Variants in HSDL1 observed in about 807,000 individuals in gnomAD.
HSDL1 encodes the protein hydroxysteroid dehydrogenase like 1.
Under a neutral mutation model 31.5 loss-of-function variants are expected in HSDL1, and 29 were observed. The ratio of observed to expected loss-of-function variants is 0.92; its 90% CI spans 0.69 to 1.26. The LOEUF (loss-of-function observed/expected upper bound fraction) is 1.26. Ranked by LOEUF, HSDL1 falls within the 50% of genes most tolerant of loss-of-function variation. HSDL1 has a pLI of 0.00. For missense variants in HSDL1, 503 were observed against 416.6 expected (o/e 1.21, Z -1.81); for synonymous variants, 222 against 155.2 (o/e 1.43, Z -3.20).
chr16:84,129,934 A>C, intron 4 of HSDL1, 52 bp downstream of exon 4: 1 of 1,555,116 alleles, frequency 6.4e-7, no homozygotes, highest in South Asian at 1.2e-5. Flanking sequence ...AACAACTGTT[A>C]ATAAATGTTC....
At chr16:84,126,627 G>C (rs1284846490) in intron 5 of HSDL1, among the ~76,000 whole-genome samples, 2 of 152,212 alleles carry the variant, frequency 1.3e-5, no homozygotes, top group Admixed American at 6.5e-5. Context: ...CCCTTGGCAA[G>C]TACTGACATT....
chr16:84,143,801 A>G (rs969873531), intron 1 of HSDL1, among the ~76,000 whole-genome samples: 1 of 150,838 alleles, frequency 6.6e-6, no homozygotes, highest in African/African-American at 2.4e-5. Flanking sequence ...GTTCAAGGCT[A>G]CCCTGACCAA....
chr16:84,125,423 T>A (rs565823542), intron 5 of HSDL1, among the ~76,000 whole-genome samples: 47 of 142,176 alleles, frequency 3.3e-4, no homozygotes. Context: ...TACCCACCAA[T>A]CAATCACAAT....
At chr16:84,141,327 C>T (rs2086767657) in intron 1 of HSDL1, among the ~76,000 whole-genome samples, 1 of 152,040 alleles carries the variant, frequency 6.6e-6, no homozygotes, top group African/African-American at 2.4e-5. Context: ...CACCACGATT[C>T]ACAGGTCCCC....
intron 5 of HSDL1, among the ~76,000 whole-genome samples, chr16:84,128,673 T>C (rs2086632179): frequency 6.6e-6 from 1 of 152,206 alleles, no homozygotes. Flanking sequence ...ATACTTAGTA[T>C]TTTTATAGTC....
rs1329503727 is a variant in HSDL1 at position 84,130,145 on chromosome 16, C to T, written c.507G>A (p.Lys169=). ...TGTTCACATTTATGATGTCCCAGAG[C>T]TTGTCCTCGGACAGCTGAGTGAAAT... The part of the protein sequence containing the change: ...PQYFTQLSED[K]LWDIINVNIA... Residue 169 remains lysine, a synonymous_variant, in exon 4 of 6, where the codon AAG becomes AAA. Coordinates refer to ENST00000219439, the MANE Select transcript of HSDL1 (RefSeq NM_031463.5). The T allele has an allele frequency of 6.2e-7, 1 of 1,614,104 alleles. No homozygotes were observed. The highest frequency in any genetic ancestry group is 1.3e-5 in the African/African-American group (1 of 74,934).
At chr16:84,127,200 CTG>C (rs1345670044) in intron 5 of HSDL1, among the ~76,000 whole-genome samples, 1 of 135,642 alleles carries the variant, frequency 7.4e-6, no homozygotes, top group African/African-American at 2.8e-5. Context: ...TTAAATAAAA[CTG>C]TTTCTTCTTT....
chr16:84,122,218 A>G lies in HSDL1; in HGVS notation c.*2412T>C, dbSNP rs1488076610. On this transcript the variant is annotated 3_prime_UTR_variant, in exon 6 of 6. Coordinates refer to ENST00000219439, the MANE Select transcript of HSDL1 (RefSeq NM_031463.5). ...TTAATTTCTTGCAATCACTCCTAAG[A>G]AAAAAAAATTCTCTCATTCCAAATT... The G allele has an allele frequency of 6.6e-6, 1 of 151,344 alleles. No homozygotes were observed. Among genetic ancestry groups the G allele is most frequent in the Non-Finnish European group, 1.5e-5 (1 of 67,614 alleles). 9.4% of individuals were successfully genotyped at this position (151,344 alleles called of 1,614,324 possible). A position where few individuals can be genotyped will look rare whatever the true frequency, so the allele number is the denominator to read the frequency against.
chr16:84,132,637 C>T (rs1265248044), intron 2 of HSDL1, among the ~76,000 whole-genome samples: 1 of 152,122 alleles, frequency 6.6e-6, no homozygotes, highest in East Asian at 1.9e-4. Context: ...TAGGTGAAGA[C>T]GCAGACATTT....
Position 84,129,778 on chromosome 16 carries a change from G to C in HSDL1, c.667-3C>G, listed in dbSNP as rs756747605. 1 of 1,604,502 alleles carries C rather than the reference G, an allele frequency of 6.2e-7. No homozygotes were observed. Among genetic ancestry groups the C allele is most frequent in the African/African-American group, 1.3e-5 (1 of 74,832 alleles). ...CTGCTGAAGTGGTCTAAATAAGCCT[G>C]TTGAGACAGAGGGGAGGAAAAGACT... is the stretch of plus-strand genomic sequence containing the variant. On this transcript the variant is annotated splice_region_variant and splice_polypyrimidine_tract_variant and intron_variant, in intron 4 of 5. Coordinates refer to ENST00000219439, the MANE Select transcript of HSDL1 (RefSeq NM_031463.5).
At position 84,130,302 on chromosome 16, in the gene HSDL1, A is replaced by G. The variant is rs1283878982; in HGVS notation, c.350T>C (p.Val117Ala). 1.9e-6 allele frequency: 3 copies of G among 1,614,088 alleles called. No individual in the cohort carries two copies. The highest frequency in any genetic ancestry group is 2.5e-6 in the Non-Finnish European group (3 of 1,180,060). ...VAKDIADTYK[V>A]ETDIIVADFS... is the part of the protein sequence containing the mutation. The stretch of plus-strand genomic sequence containing the variant: ...GTCCGCAACTATAATATCAGTTTCC[A>G]CTTTGTACGTGTCGGCTATGTCTTT... The change falls in exon 4 of 6, where the codon GTG becomes GCG. Residue 117 changes from valine (V) to alanine (A), a missense_variant. Transcript: ENST00000219439.
chr16:84,130,205 T>C lies in HSDL1; in HGVS notation c.447A>G (p.Val149=), dbSNP rs1445585236. ...ALKDKDVGIL[V]NNVGVFYPYP... ...AGGGATAAAACACACCCACGTTATT[T>C]ACCAAGATGCCAACGTCTTTGTCCT... Residue 149 remains valine, a synonymous_variant, in exon 4 of 6, where the codon GTA becomes GTG. Transcript: ENST00000219439. 1 of 1,614,122 alleles carries C rather than the reference T, an allele frequency of 6.2e-7. No homozygotes were observed. Among genetic ancestry groups the C allele is most frequent in the African/African-American group, 1.3e-5 (1 of 74,938 alleles).
chr16:84,130,571 G>A (rs2086653903), intron 3 of HSDL1, 140 bp from the exon 4 acceptor site: 2 of 667,020 alleles, frequency 3.0e-6, no homozygotes, highest in South Asian at 1.9e-5. Context: ...TACAAGTCAA[G>A]GACACTGTTG....
intron 4 of HSDL1, 89 bp from the exon 5 acceptor site, chr16:84,129,864 G>C: frequency 7.1e-7 from 1 of 1,417,266 alleles, no homozygotes; most frequent in South Asian, 1.3e-5. Context: ...TATCAATTCA[G>C]GAAAAAATAC....
In HSDL1 at chr16:84,130,037, A is replaced by C; in HGVS notation, c.615T>G (p.Ser205=). ...RKKGAIVTIS[S]GSCCKPTPQL... is the part of the protein sequence containing the mutation. ...GAGGAGTGGGTTTGCAGCAGGAGCC[A>C]GAAGAGATCGTGACGATGGCACCTT... is the stretch of plus-strand genomic sequence containing the variant. The change falls in exon 4 of 6, where the codon TCT becomes TCG. Residue 205 remains serine, a synonymous_variant. Coordinates refer to ENST00000219439, the MANE Select transcript of HSDL1 (RefSeq NM_031463.5). 1 of 1,614,210 alleles carries C rather than the reference A, an allele frequency of 6.2e-7. No individual in the cohort carries two copies. Among genetic ancestry groups the C allele is most frequent in the Non-Finnish European group, 8.5e-7 (1 of 1,180,038 alleles).
At chr16:84,142,585 G>A (rs1448049896) in intron 1 of HSDL1, among the ~76,000 whole-genome samples, 1 of 151,912 alleles carries the variant, frequency 6.6e-6, no homozygotes, top group Non-Finnish European at 1.5e-5. Flanking sequence ...ACAGGCGTGT[G>A]CCACCATGCC....
chr16:84,129,946 G>A (rs2086645961), intron 4 of HSDL1, 40 bp downstream of exon 4: 1 of 1,576,000 alleles, frequency 6.3e-7, no homozygotes, highest in Non-Finnish European at 8.7e-7. Context: ...TAAATGTTCT[G>A]TGGCATTAGG....
chr16:84,132,580 A>G (rs1244168580), intron 2 of HSDL1, among the ~76,000 whole-genome samples: 1 of 152,226 alleles, frequency 6.6e-6, no homozygotes, highest in Non-Finnish European at 1.5e-5. Flanking sequence ...ACTATGTTCT[A>G]TGTACTGTGA....
At chr16:84,125,639 C>T (rs760631218) in intron 5 of HSDL1, among the ~76,000 whole-genome samples, 1 of 152,258 alleles carries the variant, frequency 6.6e-6, no homozygotes, top group Non-Finnish European at 1.5e-5. Context: ...CCAGGTACTA[C>T]TGTACTGAAT....
Sources: gnomAD v4.1 joint callset for allele counts (sites outside exome capture counted in the v4.1 genomes callset) on GRCh38, gnomAD v4.1.1 for gene constraint, MANE v1.5 for transcripts, NCBI Gene and HGNC (gene_info 2026-07-23, HGNC 2026-07-21) for gene names.